GADL1: variants seen among roughly 807,000 people sequenced by gnomAD.
GADL1 encodes acidic amino acid decarboxylase GADL1.
Under a neutral mutation model 69.5 loss-of-function variants are expected in GADL1, and 71 were observed. The ratio of observed to expected loss-of-function variants is 1.02; its 90% CI spans 0.84 to 1.25. The LOEUF is 1.25. Ranked by LOEUF, GADL1 falls within the 50% of genes most tolerant of loss-of-function variation. The pLI, the probability that GADL1 is intolerant of heterozygous loss-of-function variation, is 0.00. For missense variants in GADL1, 737 were observed against 631.8 expected (o/e 1.17, Z -1.79); for synonymous variants, 254 against 214.4 (o/e 1.18, Z -1.62).
At chr3:30,790,483 A>G (rs1272559764) in intron 12 of GADL1, among the ~76,000 whole-genome samples, 2 of 152,176 alleles carry the variant, frequency 1.3e-5, no homozygotes, top group Non-Finnish European at 2.9e-5. Flanking sequence ...ATTTGTAAAA[A>G]CAACAAAACC....
chr3:30,780,179 C>A (rs575488237), intron 13 of GADL1, among the ~76,000 whole-genome samples: 1 of 152,278 alleles, frequency 6.6e-6, no homozygotes, highest in South Asian at 2.1e-4. Context: ...TGGATGACTT[C>A]TCTGGCACTC....
intron 4 of GADL1, among the ~76,000 whole-genome samples, chr3:30,852,978 G>A (rs12486119): frequency 0.24 from 37,048 of 152,034 alleles, 4,903 homozygotes; most frequent in East Asian, 0.42. Context: ...AAAGTTGCCA[G>A]TGACGTCCAT....
chr3:30,816,108 G>GGT (rs1046126300), intron 11 of GADL1, among the ~76,000 whole-genome samples: 12 of 152,142 alleles, frequency 7.9e-5, no homozygotes, highest in African/African-American at 2.7e-4. Context: ...CATGAGAACA[G>GGT]GTAAGGGAGC....
intron 14 of GADL1, among the ~76,000 whole-genome samples, chr3:30,775,024 A>G (rs1696502304): frequency 6.6e-6 from 1 of 152,200 alleles, no homozygotes; most frequent in Non-Finnish European, 1.5e-5. Flanking sequence ...TATCATAATG[A>G]GTGAGAGTCA....
At chr3:30,761,298 C>T (rs975251794) in intron 14 of GADL1, among the ~76,000 whole-genome samples, 8 of 151,960 alleles carry the variant, frequency 5.3e-5, no homozygotes, top group Admixed American at 5.2e-4. Flanking sequence ...CAGAGCTCCT[C>T]AACAAGCTAA....
intron 14 of GADL1, among the ~76,000 whole-genome samples, chr3:30,748,671 C>T (rs1484920421): frequency 2.6e-5 from 4 of 152,152 alleles, no homozygotes; most frequent in African/African-American, 4.8e-5. Flanking sequence ...GTCAGAAAAT[C>T]GGTACCAACA....
At chr3:30,870,776 T>C (rs2125540774) in intron 1 of GADL1, among the ~76,000 whole-genome samples, 1 of 151,514 alleles carries the variant, frequency 6.6e-6, no homozygotes, top group African/African-American at 2.4e-5. Flanking sequence ...AACTTGCGGA[T>C]AGATTGGATG....
At chr3:30,730,826 T>G (rs748678069) in intron 14 of GADL1, among the ~76,000 whole-genome samples, 1 of 152,184 alleles carries the variant, frequency 6.6e-6, no homozygotes, top group Non-Finnish European at 1.5e-5. Context: ...CGTGCATATG[T>G]GGATATAAAT....
At chr3:30,846,297 AG>A (rs2125529851) in intron 6 of GADL1, among the ~76,000 whole-genome samples, 1 of 152,294 alleles carries the variant, frequency 6.6e-6, no homozygotes, top group Non-Finnish European at 1.5e-5. Context: ...ACCTCCCCAC[AG>A]GTTTCATAAA....
chr3:30,771,562 T>TG (rs1696420341), intron 14 of GADL1, among the ~76,000 whole-genome samples: 2 of 152,056 alleles, frequency 1.3e-5, no homozygotes, highest in Non-Finnish European at 2.9e-5. Flanking sequence ...TAAACATAAA[T>TG]TTTAAAGTAC....
chr3:30,844,231 T>A lies in GADL1; in HGVS notation c.765A>T (p.Gln255His). 1 of 1,612,876 alleles carries A rather than the reference T, an allele frequency of 6.2e-7. No individual in the cohort carries two copies. Among genetic ancestry groups the A allele is most frequent in the South Asian group, 1.1e-5 (1 of 90,828 alleles). ...GKMIPEELEK[Q>H]VWQARKEGAA... ...TCACCTCTTTTCTGGCTTGCCAGAC[T>A]TGCTTCTCCAGTTCCTCAGGTATCA... The change falls in exon 8 of 15, where the codon CAA (glutamine) becomes CAT (histidine). Residue 255 changes from glutamine (Q) to histidine (H), a missense_variant. By Grantham distance (24) the Gln-to-His change is conservative. Coordinates refer to ENST00000282538, the MANE Select transcript of GADL1 (RefSeq NM_207359.3).
intron 14 of GADL1, among the ~76,000 whole-genome samples, chr3:30,759,434 A>G (rs570363383): frequency 6.6e-6 from 1 of 152,188 alleles, no homozygotes; most frequent in African/African-American, 2.4e-5. Context: ...TCTTAGAAAC[A>G]TTTATCTTTT....
At chr3:30,861,449 T>G in intron 2 of GADL1, 144 bp downstream of exon 2, 2 of 634,326 alleles carry the variant, frequency 3.2e-6, no homozygotes, top group African/African-American at 3.7e-5. Flanking sequence ...CAGCCTACAC[T>G]TTTATATCTG....
At position 30,894,642 on chromosome 3, in the gene GADL1, G is replaced by C. The variant is rs769393734; in HGVS notation, c.-28C>G. On this transcript the variant is annotated 5_prime_UTR_variant, in exon 1 of 15. Coordinates refer to ENST00000282538, the MANE Select transcript of GADL1 (RefSeq NM_207359.3). Reference sequence around the variant, plus strand: ...CCGCTCCCCCACTCCAGGCTGCCCCGGGCGCGGCTCCCGCAGTCTGGGCGG... The same window carrying C: ...CCGCTCCCCCACTCCAGGCTGCCCCCGGCGCGGCTCCCGCAGTCTGGGCGG... 1.3e-6 allele frequency: 2 copies of C among 1,548,300 alleles called. No homozygotes were observed. The highest frequency in any genetic ancestry group is 2.5e-5 in the East Asian group (1 of 40,750).
intron 1 of GADL1, among the ~76,000 whole-genome samples, chr3:30,863,770 A>G (rs1698356532): frequency 6.6e-6 from 1 of 151,294 alleles, no homozygotes; most frequent in Admixed American, 6.6e-5. Context: ...TGAGGGCTCT[A>G]ACAATATTAA....
At chr3:30,729,912 A>G (rs1695429350) in intron 14 of GADL1, among the ~76,000 whole-genome samples, 2 of 152,222 alleles carry the variant, frequency 1.3e-5, no homozygotes, top group Non-Finnish European at 2.9e-5. Flanking sequence ...AAAAAACTGG[A>G]AGTTTCTTAC....
At chr3:30,778,795 AAAG>A (rs1462174113) in intron 13 of GADL1, 2 of 152,070 alleles carry the variant, frequency 1.3e-5, no homozygotes, top group Non-Finnish European at 2.9e-5. Context: ...GCTTTTGAAA[AAAG>A]AACATCACCT....
intron 1 of GADL1, among the ~76,000 whole-genome samples, chr3:30,868,459 C>G (rs1302683409): frequency 2.6e-5 from 4 of 151,970 alleles, no homozygotes; most frequent in African/African-American, 9.7e-5. Flanking sequence ...GCTTTAAGTC[C>G]TGGCCCAAAT....
In GADL1 at chr3:30,815,654, G is replaced by A. The variant is rs143466711; in HGVS notation, c.1051-14566C>T. On this transcript the variant is annotated intron_variant, in intron 11 of 14. Transcript: ENST00000282538. ...TTTATAGGTCAGTTTAACCCGACTG[G>A]CTGTGGAAATGAGTTAGAATTAGCA... is the stretch of plus-strand genomic sequence containing the variant. 2.6e-5 allele frequency among the ~76,000 whole-genome samples: 4 copies of A among 152,334 alleles called. No homozygotes were observed. The East Asian group carries it at 7.7e-4, about 29-fold the overall frequency.
Sources: allele counts gnomAD v4.1 joint callset (sites outside exome capture counted in the v4.1 genomes callset), GRCh38; gene constraint gnomAD v4.1.1; transcripts MANE v1.5; gene names NCBI Gene and HGNC (gene_info 2026-07-23, HGNC 2026-07-21).